The following MED12L variants were observed in gnomAD, a reference collection of about 807,000 sequenced individuals.
The protein encoded by MED12L is mediator of RNA polymerase II transcription subunit 12-like protein.
A neutral mutation model predicts 281.3 loss-of-function variants in MED12L; 60 were observed. The ratio of observed to expected loss-of-function variants is 0.21; its 90% CI spans 0.17 to 0.26. The LOEUF is 0.26. Among genes scored for constraint, MED12L ranks in the 10% least tolerant of loss-of-function variants. The pLI is 1.00. For missense variants in MED12L, 2,146 were observed against 2,680.9 expected (o/e 0.80, Z 4.41); for synonymous variants, 974 against 987.2 (o/e 0.99, Z 0.25).
At chr3:151,336,597 T>C in intron 16 of MED12L, 7 of 454,472 alleles carry the variant, frequency 1.5e-5, no homozygotes, top group South Asian at 6.2e-5. Context: ...ACATGTGTTA[T>C]ATGTTTTGTT....
At chr3:151,292,653 A>G (rs1033073440) in intron 16 of MED12L, among the ~76,000 whole-genome samples, 1 of 150,750 alleles carries the variant, frequency 6.6e-6, no homozygotes, top group Non-Finnish European at 1.5e-5. Context: ...GCTCACTGCA[A>G]CCTCCACCTC....
chr3:151,313,330 A>G (rs770243611), intron 16 of MED12L, among the ~76,000 whole-genome samples: 4 of 152,164 alleles, frequency 2.6e-5, no homozygotes, highest in Non-Finnish European at 4.4e-5. Flanking sequence ...AGTCTATACT[A>G]TGGTACTAGT....
At chr3:151,393,979 CT>C (rs928061963) in intron 38 of MED12L, among the ~76,000 whole-genome samples, 36 of 151,978 alleles carry the variant, frequency 2.4e-4, no homozygotes, top group African/African-American at 8.0e-4. Context: ...CAAATGTCGA[CT>C]TTTTTTTCCC....
intron 11 of MED12L, among the ~76,000 whole-genome samples, chr3:151,178,562 A>G (rs921302996): frequency 6.6e-6 from 1 of 152,154 alleles, no homozygotes; most frequent in South Asian, 2.1e-4. Context: ...CTTTTGACAC[A>G]CAGGTTTTGC....
rs62284804 is a variant in MED12L at position 151,096,078 on chromosome 3, A to G, written c.99+9053A>G. Among the ~76,000 whole-genome samples the G allele has an allele frequency of 4.7e-3, 715 of 152,322 alleles. 4 individuals carry two copies. The highest frequency in any genetic ancestry group is 5.4e-3 in the Non-Finnish European group (367 of 68,026). On this transcript the variant is annotated intron_variant, in intron 2 of 44. Transcript: ENST00000687756. Reference sequence around the variant, plus strand: ...TTAGTTTTCTATCTTTGGAAAGGTAATAAAAGAACATGATAGCTGGATCTG... The same window carrying G: ...TTAGTTTTCTATCTTTGGAAAGGTAGTAAAAGAACATGATAGCTGGATCTG...
intron 2 of MED12L, among the ~76,000 whole-genome samples, chr3:151,110,409 G>A (rs1277574172): frequency 6.6e-6 from 1 of 152,078 alleles, no homozygotes; most frequent in Admixed American, 6.6e-5. Flanking sequence ...CTCTAAAAGG[G>A]GTCTATTGGT....
intron 16 of MED12L, among the ~76,000 whole-genome samples, chr3:151,324,239 G>T (rs911894457): frequency 2.0e-5 from 3 of 152,188 alleles, no homozygotes; most frequent in African/African-American, 7.2e-5. Flanking sequence ...GATAATCTTT[G>T]TAAAGAGCCT....
chr3:151,383,687 A>G, intron 33 of MED12L, 92 bp from the exon 34 acceptor site: 2 of 765,214 alleles, frequency 2.6e-6, no homozygotes, highest in South Asian at 3.8e-5. Flanking sequence ...GTTTTTTTAA[A>G]TAAAAAACAA....
intron 16 of MED12L, among the ~76,000 whole-genome samples, chr3:151,293,789 T>C (rs1744663207): frequency 6.6e-6 from 1 of 152,140 alleles, no homozygotes; most frequent in East Asian, 1.9e-4. Context: ...AGATGGAAAG[T>C]AGTAGTTTCT....
At chr3:151,119,120 G>T (rs893268220) in intron 3 of MED12L, among the ~76,000 whole-genome samples, 1 of 152,180 alleles carries the variant, frequency 6.6e-6, no homozygotes, top group Non-Finnish European at 1.5e-5. Context: ...TGATGTATGT[G>T]CTGTAATTGA....
At chr3:151,386,145 T>C (rs2108185058) in intron 36 of MED12L, among the ~76,000 whole-genome samples, 1 of 152,188 alleles carries the variant, frequency 6.6e-6, no homozygotes. Flanking sequence ...CATGAAAGAA[T>C]CAGATTTACC....
chr3:151,162,551 C>T (rs556630675), intron 8 of MED12L, among the ~76,000 whole-genome samples: 1 of 151,460 alleles, frequency 6.6e-6, no homozygotes, highest in Non-Finnish European at 1.5e-5. Flanking sequence ...TGATCCTCCC[C>T]CCTCAGCCTC....
chr3:151,397,558 GA>G (rs1386731810), intron 39 of MED12L, among the ~76,000 whole-genome samples: 1 of 152,044 alleles, frequency 6.6e-6, no homozygotes, highest in African/African-American at 2.4e-5. Flanking sequence ...TCTTATGGCA[GA>G]AAAAAATTCT....
intron 16 of MED12L, among the ~76,000 whole-genome samples, chr3:151,220,062 T>G (rs2149261623): frequency 6.7e-6 from 1 of 150,224 alleles, no homozygotes; most frequent in South Asian, 2.1e-4. Flanking sequence ...TAATTATTTA[T>G]TTTTGGGAGC....
At chr3:151,187,308 A>G (rs1723413060) in intron 12 of MED12L, among the ~76,000 whole-genome samples, 1 of 152,148 alleles carries the variant, frequency 6.6e-6, no homozygotes, top group Admixed American at 6.5e-5. Context: ...GTTTTTTTAC[A>G]CTGCTTTTCT....
At chr3:151,343,302 A>T (rs6440737) in intron 16 of MED12L, among the ~76,000 whole-genome samples, 1 of 151,990 alleles carries the variant, frequency 6.6e-6, no homozygotes, top group East Asian at 1.9e-4. Context: ...AGAATACTTA[A>T]GTCATACTAC....
chr3:151,090,214 A>G (rs950560552), intron 2 of MED12L, among the ~76,000 whole-genome samples: 7 of 151,620 alleles, frequency 4.6e-5, no homozygotes, highest in African/African-American at 1.7e-4. Flanking sequence ...CCTATACTTC[A>G]TTTTCCTTCC....
At chr3:151,311,037 A>G (rs1196570174) in intron 16 of MED12L, among the ~76,000 whole-genome samples, 1 of 152,210 alleles carries the variant, frequency 6.6e-6, no homozygotes, top group Non-Finnish European at 1.5e-5. Flanking sequence ...AGCAAGAAGT[A>G]GTGTACCATG....
chr3:151,319,450 GGTGTGTGTGTGTGTGTGCGTGTGTGTGT>G (rs1012075192), intron 16 of MED12L, among the ~76,000 whole-genome samples: 30 of 126,932 alleles, frequency 2.4e-4, no homozygotes, highest in Non-Finnish European at 3.0e-4. Flanking sequence ...AGAACATCCA[GGTGTGTGTGTGTGTGTGCGTGTGTGTGT>G]GTGTGTGTGT....
Sources: gnomAD v4.1 joint callset for allele counts (sites outside exome capture counted in the v4.1 genomes callset) on GRCh38, gnomAD v4.1.1 for gene constraint, MANE v1.5 for transcripts, NCBI Gene and HGNC (gene_info 2026-07-23, HGNC 2026-07-21) for gene names.